The following GSG1L variants were observed in gnomAD, a reference collection of about 807,000 sequenced individuals.
GSG1L encodes germ cell-specific gene 1-like protein.
In GSG1L, 24 loss-of-function variants were observed where a neutral mutation model predicts 42.1. The ratio of observed to expected loss-of-function variants is 0.57; its 90% CI spans 0.41 to 0.80. GSG1L has a LOEUF of 0.80. Ranked by LOEUF, GSG1L falls within the 30% of genes least tolerant of loss-of-function variation. The pLI is 0.00. For synonymous variants in GSG1L, 215 were observed against 203.5 expected (o/e 1.06, Z -0.48); for missense variants, 445 against 472.2 (o/e 0.94, Z 0.53).
At chr16:27,844,855 C>G (rs182423148) in intron 4 of GSG1L, 95 bp downstream of exon 4, 2 of 290,520 alleles carry the variant, frequency 6.9e-6, no homozygotes. Context: ...TCCTCCCCCC[C>G]ACCGCCCCCC....
intron 3 of GSG1L, among the ~76,000 whole-genome samples, chr16:27,860,787 C>T (rs973850696): frequency 2.0e-5 from 3 of 152,182 alleles, no homozygotes; most frequent in African/African-American, 4.8e-5. Flanking sequence ...CAGGACAGGA[C>T]GCCAGCCTAG....
In GSG1L at chr16:27,791,479, CA is replaced by C; in HGVS notation, c.899-13del. 1 of 1,463,796 alleles carries C rather than the reference CA, an allele frequency of 6.8e-7. No homozygotes were observed. Among genetic ancestry groups the C allele is most frequent in the Non-Finnish European group, 9.1e-7 (1 of 1,101,720 alleles). The allele number at this position is 1,463,796 out of a possible 1,614,324, so 90.7% of individuals were successfully genotyped here. ...GTGTGGCTGGTGTCCTGCCAGGAGA[CA>C]AGGCGGTCAGTGCTGAAAGCCACCT... On this transcript the variant is annotated splice_polypyrimidine_tract_variant and intron_variant, in intron 6 of 6. Coordinates refer to ENST00000447459, the MANE Select transcript of GSG1L (RefSeq NM_001109763.2).
intron 1 of GSG1L, among the ~76,000 whole-genome samples, chr16:28,007,086 C>A (rs2085649315): frequency 6.6e-6 from 1 of 152,138 alleles, no homozygotes; most frequent in Admixed American, 6.5e-5. Context: ...TGAGTAATGC[C>A]CCCACCACGA....
chr16:27,919,535 A>G (rs923418904), intron 2 of GSG1L, among the ~76,000 whole-genome samples: 1 of 152,196 alleles, frequency 6.6e-6, no homozygotes, highest in South Asian at 2.1e-4. Flanking sequence ...CTTGGTCCAC[A>G]CCCAGGAGAA....
chr16:27,822,214 A>G (rs2083158404), intron 5 of GSG1L, among the ~76,000 whole-genome samples: 1 of 152,162 alleles, frequency 6.6e-6, no homozygotes, highest in Non-Finnish European at 1.5e-5. Flanking sequence ...CCAGCCAGGA[A>G]AATTGAAGCT....
intron 1 of GSG1L, among the ~76,000 whole-genome samples, chr16:27,987,567 G>A (rs34708406): frequency 0.71 from 108,343 of 152,000 alleles, 38,785 homozygotes; most frequent in South Asian, 0.86. Flanking sequence ...GTGTTAACTC[G>A]GGACCCAGAC....
intron 4 of GSG1L, among the ~76,000 whole-genome samples, chr16:27,833,437 T>G (rs1236851046): frequency 6.6e-6 from 1 of 152,206 alleles, no homozygotes; most frequent in African/African-American, 2.4e-5. Flanking sequence ...TAATTCATCC[T>G]GCCTTATTCT....
chr16:27,975,685 A>T lies in GSG1L; in HGVS notation c.350-12482T>A, dbSNP rs147886761. Reference sequence around the variant, plus strand: ...TCTCTATCTTAGGCATCAAAATCACAACATCAAGTAGTGATATCTGAAGGT... The same window carrying T: ...TCTCTATCTTAGGCATCAAAATCACTACATCAAGTAGTGATATCTGAAGGT... On this transcript the variant is annotated intron_variant, in intron 1 of 6. Transcript: ENST00000447459. Among the ~76,000 whole-genome samples the T allele has an allele frequency of 9.9e-4, 151 of 152,286 alleles. 7 individuals carry two copies. The East Asian group carries it at 0.023, about 23-fold the overall frequency.
At chr16:27,845,309 G>A (rs1201539700) in intron 3 of GSG1L, among the ~76,000 whole-genome samples, 3 of 152,178 alleles carry the variant, frequency 2.0e-5, no homozygotes, top group Non-Finnish European at 4.4e-5. Flanking sequence ...GCAGTGGCAC[G>A]ATCATAGCTC....
rs1341737207 is a variant in GSG1L, at chr16:28,063,364, G to T, written c.61C>A (p.Leu21Met). The T allele has an allele frequency of 7.1e-7, 1 of 1,401,842 alleles. No homozygotes were observed. The highest frequency in any genetic ancestry group is 9.3e-7 in the Non-Finnish European group (1 of 1,070,640). The allele number at this position is 1,401,842 out of a possible 1,614,324, so 86.8% of individuals were successfully genotyped here. A position where few individuals can be genotyped will look rare whatever the true frequency, so the allele number is the denominator to read the frequency against. Reference sequence around the variant, plus strand: ...GTGAGGAAAGCGGTGGTGGCGAACAGCAGCGCCAGCAGGTTCAGGGCCACG... The same window carrying T: ...GTGAGGAAAGCGGTGGTGGCGAACATCAGCGCCAGCAGGTTCAGGGCCACG... Reference protein sequence around the residue: ...LAVALNLLALLFATTAFLTTH... With the variant: ...LAVALNLLALMFATTAFLTTH... Residue 21 changes from leucine to methionine, a missense_variant, in exon 1 of 7, where the codon CTG becomes ATG. Leu to Met is a conservative substitution (Grantham distance 15, BLOSUM62 2). Coordinates refer to ENST00000447459, the MANE Select transcript of GSG1L (RefSeq NM_001109763.2). This position sits in a 1 kb window ranked among gnomAD's most constrained non-coding sequence, Gnocchi z 5.8.
At chr16:27,972,125 TA>T (rs2085199952) in intron 1 of GSG1L, among the ~76,000 whole-genome samples, 1 of 152,218 alleles carries the variant, frequency 6.6e-6, no homozygotes, top group Non-Finnish European at 1.5e-5. Flanking sequence ...AGAAATCTCC[TA>T]GGAATATACC....
intron 1 of GSG1L, among the ~76,000 whole-genome samples, chr16:28,011,069 C>T (rs945318374): frequency 6.6e-6 from 1 of 152,206 alleles, no homozygotes; most frequent in Non-Finnish European, 1.5e-5. Flanking sequence ...AAAGGCAGCC[C>T]TGTACACACG....
At chr16:27,914,190 A>C (rs1192460874) in intron 2 of GSG1L, among the ~76,000 whole-genome samples, 3 of 152,198 alleles carry the variant, frequency 2.0e-5, no homozygotes, top group African/African-American at 7.2e-5. Context: ...TGACAATATG[A>C]AATATTATAT....
chr16:28,039,105 T>C (rs2086075182), intron 1 of GSG1L, among the ~76,000 whole-genome samples: 2 of 152,232 alleles, frequency 1.3e-5, no homozygotes, highest in Non-Finnish European at 2.9e-5. Flanking sequence ...TTCATCTAAA[T>C]GCCAATCCTA....
intron 4 of GSG1L, among the ~76,000 whole-genome samples, chr16:27,836,277 ATTT>A (rs3047682): frequency 1.8e-4 from 24 of 132,478 alleles, no homozygotes; most frequent in Admixed American, 7.9e-4. Flanking sequence ...CACTGTTTTC[ATTT>A]TTTTTTTTTT....
chr16:27,816,821 C>T (rs1470786155), intron 5 of GSG1L, among the ~76,000 whole-genome samples: 2 of 152,112 alleles, frequency 1.3e-5, no homozygotes, highest in African/African-American at 4.8e-5. Context: ...TTCCACGGTA[C>T]CCTGCCGACT....
chr16:27,859,971 C>T lies in GSG1L; in HGVS notation c.551-14910G>A, dbSNP rs117360127. Among the ~76,000 whole-genome samples, 23 of 152,308 alleles carry T rather than the reference C, an allele frequency of 1.5e-4. No homozygotes were observed. The East Asian group carries it at 4.2e-3, about 28-fold the overall frequency. ...TGCTGGTATTACAGACGTGAGCTGC[C>T]ACACCCAGCCATCCTGCCTGTCTTC... is the stretch of plus-strand genomic sequence containing the variant. On this transcript the variant is annotated intron_variant, in intron 3 of 6. Coordinates refer to ENST00000447459, the MANE Select transcript of GSG1L (RefSeq NM_001109763.2).
intron 3 of GSG1L, among the ~76,000 whole-genome samples, chr16:27,856,304 G>A (rs1400699791): frequency 6.6e-6 from 1 of 152,144 alleles, no homozygotes; most frequent in Non-Finnish European, 1.5e-5. Flanking sequence ...CTTCATGAAT[G>A]TTTTTGTTTC....
In GSG1L at chr16:27,867,724, G is replaced by A. The variant is rs191116399; in HGVS notation, c.550+16762C>T. 1.1e-3 allele frequency among the ~76,000 whole-genome samples: 169 copies of A among 152,264 alleles called. 1 individual carries two copies. The highest frequency in any genetic ancestry group is 1.6e-3 in the Admixed American group (25 of 15,304). ...GCCCTCTACTGGCCACCAGGAGGAG[G>A]GTACCTGCAGCGCACCCACCCTGAG... On this transcript the variant is annotated intron_variant, in intron 3 of 6. Coordinates refer to ENST00000447459, the MANE Select transcript of GSG1L (RefSeq NM_001109763.2).
Sources: gnomAD v4.1 joint callset for allele counts (sites outside exome capture counted in the v4.1 genomes callset) on GRCh38, gnomAD v4.1.1 for gene constraint, Gnocchi (gnomAD v3.1) non-coding constraint, MANE v1.5 for transcripts, NCBI Gene and HGNC (gene_info 2026-07-23, HGNC 2026-07-21) for gene names.